IMPACT: variants seen among roughly 807,000 people sequenced by gnomAD.
IMPACT encodes the protein impact RWD domain protein.
Under a neutral mutation model 47.5 loss-of-function variants are expected in IMPACT, and 35 were observed. That is an observed-to-expected ratio of 0.74 (90% CI 0.56 to 0.98). The LOEUF is 0.98. IMPACT is among the 50% of genes least tolerant of loss of function. IMPACT has a pLI of 0.00. For synonymous variants in IMPACT, 118 were observed against 125.6 expected (o/e 0.94, Z 0.40); for missense variants, 373 against 394.8 (o/e 0.94, Z 0.47).
chr18:24,437,912 T>C, intron 4 of IMPACT, 43 bp from the exon 5 acceptor site: 1 of 927,578 alleles, frequency 1.1e-6, no homozygotes, highest in Non-Finnish European at 1.7e-6. Flanking sequence ...GAGAAGATGA[T>C]TTTTGAAATA....
intron 4 of IMPACT, 119 bp from the exon 5 acceptor site, chr18:24,437,836 T>A (rs620931): frequency 0.14 from 84,221 of 606,878 alleles, 6,715 homozygotes; most frequent in Non-Finnish European, 0.16. Flanking sequence ...TAAATTATTT[T>A]AAAAAAGAAA....
chr18:24,433,665 A>ATTTTTTTT (rs34462493), intron 4 of IMPACT, among the ~76,000 whole-genome samples: 1 of 90,586 alleles, frequency 1.1e-5, no homozygotes, highest in Non-Finnish European at 2.1e-5. Context: ...GTGTGACAGC[A>ATTTTTTTT]TTTTTTTTTT....
rs145510618 is a variant in IMPACT, at chr18:24,441,975, T to A, written c.491-1074T>A. Among the ~76,000 whole-genome samples the A allele has an allele frequency of 1.2e-4, 18 of 152,312 alleles. No homozygotes were observed. The East Asian group carries it at 3.5e-3, about 29-fold the overall frequency. ...TAATACTGTATTTGACTTATTACTA[T>A]GTTAGTACAGCAGTCAAAATCAATT... On this transcript the variant is annotated intron_variant, in intron 6 of 10. Transcript: ENST00000284202.
chr18:24,439,665 AG>A (rs1293451003), intron 5 of IMPACT: 3 of 147,362 alleles, frequency 2.0e-5, no homozygotes, highest in Non-Finnish European at 4.5e-5. Flanking sequence ...AAAAAGAATT[AG>A]CCAGGCGTGG....
chr18:24,441,037 A>G (rs1909095227), intron 6 of IMPACT, among the ~76,000 whole-genome samples: 1 of 152,252 alleles, frequency 6.6e-6, no homozygotes, highest in Admixed American at 6.5e-5. Flanking sequence ...TAAAGCTAGT[A>G]AAATGCCTTT....
intron 4 of IMPACT, chr18:24,435,587 A>G (rs1031435165): frequency 6.6e-6 from 1 of 152,230 alleles, no homozygotes; most frequent in African/African-American, 2.4e-5. Context: ...AGTCAAACAG[A>G]CAAGGAAGAC....
intron 4 of IMPACT, among the ~76,000 whole-genome samples, chr18:24,432,506 T>C (rs982945301): frequency 6.6e-6 from 1 of 152,168 alleles, no homozygotes; most frequent in Non-Finnish European, 1.5e-5. Flanking sequence ...TCCATTCTGC[T>C]TATTCCTGCC....
chr18:24,427,860 A>C, intron 1 of IMPACT, 59 bp from the exon 2 acceptor site: 1 of 1,487,472 alleles, frequency 6.7e-7, no homozygotes, highest in Non-Finnish European at 9.1e-7. Context: ...ATAAAGTAGT[A>C]AGAATAGGAT....
intron 4 of IMPACT, among the ~76,000 whole-genome samples, chr18:24,432,250 A>T (rs1009425790): frequency 9.2e-5 from 14 of 152,350 alleles, no homozygotes; most frequent in African/African-American, 3.4e-4. Context: ...TAGGGGGCTA[A>T]TGCAGTTGTC....
At chr18:24,440,743 A>G (rs1909087385) in intron 6 of IMPACT, 125 bp downstream of exon 6, 4 of 965,594 alleles carry the variant, frequency 4.1e-6, no homozygotes, top group South Asian at 5.5e-5. Context: ...TAATTTGCAG[A>G]TAAGATTAAT....
At chr18:24,430,261 G>A in intron 3 of IMPACT, 61 bp from the exon 4 acceptor site, 1 of 1,138,056 alleles carries the variant, frequency 8.8e-7, no homozygotes, top group East Asian at 2.5e-5. Flanking sequence ...GATGTAATCT[G>A]TAATTTGAGG....
Position 24,426,742 on chromosome 18 carries a change from AG to A in IMPACT, c.-13del, listed in dbSNP as rs1908617510. On this transcript the variant is annotated 5_prime_UTR_variant, in exon 1 of 11. Transcript: ENST00000284202. ...ACCTGGCAGGCGGCGGCTGCAGGGC[AG>A]GTCCAGGGGCCACATGGCTGAGGGG... 8.0e-7 allele frequency: 1 copy of A among 1,246,536 alleles called. No homozygotes were observed. Among genetic ancestry groups the A allele is most frequent in the African/African-American group, 1.6e-5 (1 of 64,434 alleles). 77.2% of individuals were successfully genotyped at this position (1,246,536 alleles called of 1,614,324 possible).
rs1255158149 is a variant in IMPACT, at chr18:24,426,782, A to G, written c.26A>G (p.Asp9Gly). ...ATGGCTGAGGGGGACGCAGGGAGCGACCAGAGGCAGGTGAGGCCCCGGCGG... is the reference window on the plus strand; with the variant it reads ...ATGGCTGAGGGGGACGCAGGGAGCGGCCAGAGGCAGGTGAGGCCCCGGCGG... MAEGDAGSDQRQNEEIEAM... is the reference protein window; with the variant it reads MAEGDAGSGQRQNEEIEAM... Residue 9 changes from aspartate (D) to glycine (G), a missense_variant, in exon 1 of 11, where the codon GAC becomes GGC. By Grantham distance (94) the Asp-to-Gly change is moderately conservative (BLOSUM62 -1). Transcript: ENST00000284202. 2 of 1,241,112 alleles carry G rather than the reference A, an allele frequency of 1.6e-6. No homozygotes were observed. The allele number at this position is 1,241,112 out of a possible 1,614,324, so 76.9% of individuals were successfully genotyped here.
rs115054468 is a variant in IMPACT, at chr18:24,430,862, A to G, written c.281+478A>G. Among the ~76,000 whole-genome samples, 1,058 of 152,390 alleles carry G rather than the reference A, an allele frequency of 6.9e-3. 17 individuals are homozygous for G. Among genetic ancestry groups the G allele is most frequent in the African/African-American group, 0.024 (983 of 41,590 alleles). ...GATTTGGTATTTTCATAGGCTATGT[A>G]GAATGAAATTGATTACAGAATCCTA... On this transcript the variant is annotated intron_variant, in intron 4 of 10. Coordinates refer to ENST00000284202, the MANE Select transcript of IMPACT (RefSeq NM_018439.4).
At chr18:24,430,023 C>T (rs1013924608) in intron 3 of IMPACT, among the ~76,000 whole-genome samples, 1 of 152,096 alleles carries the variant, frequency 6.6e-6, no homozygotes, top group East Asian at 1.9e-4. Context: ...GTGATCTGCC[C>T]GCCTCGGCCT....
chr18:24,431,855 C>G (rs1908765504), intron 4 of IMPACT, among the ~76,000 whole-genome samples: 1 of 152,066 alleles, frequency 6.6e-6, no homozygotes, highest in African/African-American at 2.4e-5. Flanking sequence ...GCGCCCGCCA[C>G]CACGCACAGC....
rs1239668992 is a variant in IMPACT at position 24,453,442 on chromosome 18, CTG to C, written c.*2597_*2598del. ...TTCTTTCCATAAAAATGGTATTAAA[CTG>C]TATATACTGTTTTGTAGCCTACATA... On this transcript the variant is annotated 3_prime_UTR_variant, in exon 11 of 11. Transcript: ENST00000284202. 1 of 152,082 alleles carries C rather than the reference CTG, an allele frequency of 6.6e-6. No individual in the cohort carries two copies. Among genetic ancestry groups the C allele is most frequent in the African/African-American group, 2.4e-5 (1 of 41,414 alleles). The allele number at this position is 152,082 out of a possible 1,614,324, so 9.4% of individuals were successfully genotyped here. A position where few individuals can be genotyped will look rare whatever the true frequency, so the allele number is the denominator to read the frequency against.
intron 4 of IMPACT, among the ~76,000 whole-genome samples, chr18:24,436,186 A>G (rs748023613): frequency 2.6e-5 from 4 of 152,204 alleles, no homozygotes; most frequent in Admixed American, 2.0e-4. Flanking sequence ...ATCTGTAAAA[A>G]GGGGATAATA....
intron 5 of IMPACT, among the ~76,000 whole-genome samples, chr18:24,440,233 G>A (rs1909065091): frequency 6.6e-6 from 1 of 152,016 alleles, no homozygotes; most frequent in Admixed American, 6.6e-5. Flanking sequence ...ACCTTTAAGA[G>A]CCCCTTCAGG....
Sources: gnomAD v4.1 joint callset for allele counts (sites outside exome capture counted in the v4.1 genomes callset) on GRCh38, gnomAD v4.1.1 for gene constraint, MANE v1.5 for transcripts, NCBI Gene and HGNC (gene_info 2026-07-23, HGNC 2026-07-21) for gene names.